Variants in FANK1 observed in about 807,000 individuals in gnomAD.
The protein encoded by FANK1 is fibronectin type 3 and ankyrin repeat domains protein 1.
Under a neutral mutation model 45.3 loss-of-function variants are expected in FANK1, and 44 were observed. The observed-to-expected ratio is 0.97, with a 90% CI of 0.76 to 1.25. The LOEUF (loss-of-function observed/expected upper bound fraction) is 1.25, where lower values mean the gene tolerates loss of function less well. Ranked by LOEUF, FANK1 falls within the 50% of genes most tolerant of loss-of-function variation. The probability of loss-of-function intolerance (pLI) is 0.00; values close to 1 mark genes in which losing one functional copy is unlikely to be tolerated. For missense variants in FANK1, 391 were observed against 424.4 expected (o/e 0.92, Z 0.69); for synonymous variants, 149 against 152.5 (o/e 0.98, Z 0.17).
chr10:125,993,538 T>A (rs1952087081), intron 3 of FANK1, among the ~76,000 whole-genome samples: 1 of 152,180 alleles, frequency 6.6e-6, no homozygotes. Flanking sequence ...GCCTCTATCC[T>A]CTAGATGCCA....
At chr10:126,000,352 C>T (rs950170212) in intron 6 of FANK1, among the ~76,000 whole-genome samples, 1 of 152,056 alleles carries the variant, frequency 6.6e-6, no homozygotes, top group South Asian at 2.1e-4. Context: ...TAAAATGCCT[C>T]ATAACGTTAT....
At position 125,959,015 on chromosome 10, in the gene FANK1, T is replaced by C. The variant is rs115399642; in HGVS notation, c.14-21146T>C. 8.1e-3 allele frequency among the ~76,000 whole-genome samples: 1,241 copies of C among 152,278 alleles called. 19 individuals carry two copies. The highest frequency in any genetic ancestry group is 0.028 in the African/African-American group (1,149 of 41,544). ...CAAAATAAATAAAACACTTGTGACATTAAGAATTATTTTAGGTTGTAGTAT... is the reference window on the plus strand; with the variant it reads ...CAAAATAAATAAAACACTTGTGACACTAAGAATTATTTTAGGTTGTAGTAT... On this transcript the variant is annotated intron_variant, in intron 1 of 10. Transcript: ENST00000368693.
intron 1 of FANK1, among the ~76,000 whole-genome samples, chr10:125,922,387 T>G (rs569745483): frequency 3.3e-5 from 5 of 152,256 alleles, no homozygotes; most frequent in African/African-American, 1.2e-4. Context: ...ACCTGTCTGC[T>G]GGTTACTTTT....
At chr10:125,965,806 C>T (rs887871308) in intron 1 of FANK1, among the ~76,000 whole-genome samples, 2 of 152,316 alleles carry the variant, frequency 1.3e-5, no homozygotes, top group East Asian at 3.9e-4. Context: ...ACATTTCCTT[C>T]TTTGCCTACT....
chr10:125,928,332 G>C (rs1251227835), intron 1 of FANK1, among the ~76,000 whole-genome samples: 7 of 146,546 alleles, frequency 4.8e-5, no homozygotes, highest in Non-Finnish European at 7.4e-5. Flanking sequence ...GTAAACTGTC[G>C]TGGTGCTAGT....
At position 125,948,557 on chromosome 10, in the gene FANK1, A is replaced by G. The variant is rs368839925; in HGVS notation, c.14-31604A>G. Among the ~76,000 whole-genome samples the G allele has an allele frequency of 5.4e-3, 824 of 152,342 alleles. 41 individuals carry two copies. In the East Asian group the frequency reaches 0.095, roughly 18 times the overall value. The stretch of plus-strand genomic sequence containing the variant: ...CAACACATACACTCTCCCAAGACTA[A>G]ACCAGGAAGAAGTTGAATCTCTGAA... On this transcript the variant is annotated intron_variant, in intron 1 of 10. Transcript: ENST00000368693.
At chr10:125,918,630 TAA>T (rs377480848) in intron 1 of FANK1, among the ~76,000 whole-genome samples, 1 of 119,712 alleles carries the variant, frequency 8.4e-6, no homozygotes, top group Admixed American at 9.4e-5. Flanking sequence ...TTTACCATGA[TAA>T]AGACATTTTA....
chr10:125,988,582 C>T lies in FANK1; in HGVS notation c.223C>T (p.Leu75=). ...GYATKHVVEG[L]EPRTLYRFRL... ...TGCAACGAAGCATGTTGTTGAAGGTCTGGAACCAAGGACGCTGTACAGATT... is the reference window on the plus strand; with the variant it reads ...TGCAACGAAGCATGTTGTTGAAGGTTTGGAACCAAGGACGCTGTACAGATT... Residue 75 remains leucine, a synonymous_variant, in exon 3 of 11, where the codon CTG becomes TTG. Coordinates refer to ENST00000368693, the MANE Select transcript of FANK1 (RefSeq NM_145235.5). 1.2e-6 allele frequency: 2 copies of T among 1,614,216 alleles called. No homozygotes were observed. Among genetic ancestry groups the T allele is most frequent in the South Asian group, 1.1e-5 (1 of 91,084 alleles).
chr10:125,977,608 G>C (rs1950934762), intron 1 of FANK1, among the ~76,000 whole-genome samples: 1 of 152,138 alleles, frequency 6.6e-6, no homozygotes, highest in Non-Finnish European at 1.5e-5. Flanking sequence ...TCAGCTTAGA[G>C]GCAGCAGAGG....
At chr10:125,941,167 C>G (rs1411217493) in intron 1 of FANK1, among the ~76,000 whole-genome samples, 7 of 152,162 alleles carry the variant, frequency 4.6e-5, no homozygotes, top group Non-Finnish European at 4.4e-5. Flanking sequence ...CACAATCCTG[C>G]AGAAGTTCTA....
chr10:125,907,264 A>G lies in FANK1; in HGVS notation c.13+10609A>G, dbSNP rs137856739. Among the ~76,000 whole-genome samples, 1,356 of 152,286 alleles carry G rather than the reference A, an allele frequency of 8.9e-3. 15 individuals carry two copies. Among genetic ancestry groups the G allele is most frequent in the African/African-American group, 0.029 (1,210 of 41,550 alleles). On this transcript the variant is annotated intron_variant, in intron 1 of 10. Coordinates refer to ENST00000368693, the MANE Select transcript of FANK1 (RefSeq NM_145235.5). ...CTATAGTGATAACTCTTCACTCCTT[A>G]TATTCTAACTTGTGCCTAATTAGTT...
chr10:125,928,615 C>CA lies in FANK1; in HGVS notation c.13+31960_13+31961insA, dbSNP rs879637532. On this transcript the variant is annotated intron_variant, in intron 1 of 10. Transcript: ENST00000368693. ...CCCCTCTGACACTTCCATGTACTTA[C>CA]TATCGTGTCAGCTTTTAAAAACTTT... Among the ~76,000 whole-genome samples, 8 of 152,298 alleles carry CA rather than the reference C, an allele frequency of 5.3e-5. No individual in the cohort carries two copies. In the East Asian group the frequency reaches 1.5e-3, roughly 29 times the overall value.
Position 125,906,515 on chromosome 10 carries a change from C to CAAAAAAAAAAAAA in FANK1, c.13+9877_13+9889dup, listed in dbSNP as rs34132526. On this transcript the variant is annotated intron_variant, in intron 1 of 10. Transcript: ENST00000368693. ...TTGGGGACAGAGCAAGACTCTGTCT[C>CAAAAAAAAAAAAA]AAAAAAAAAAAAAAAAAAAAAAAAA... Among the ~76,000 whole-genome samples, 99 of 46,418 alleles carry CAAAAAAAAAAAAA rather than the reference C, an allele frequency of 2.1e-3. 9 individuals are homozygous for CAAAAAAAAAAAAA. Among genetic ancestry groups the CAAAAAAAAAAAAA allele is most frequent in the African/African-American group, 5.7e-3 (76 of 13,426 alleles). 30.5% of individuals were successfully genotyped at this position (46,418 alleles called of 152,430 possible). A position where few individuals can be genotyped will look rare whatever the true frequency, so the allele number is the denominator to read the frequency against.
At chr10:126,000,430 A>G (rs1416937061) in intron 6 of FANK1, among the ~76,000 whole-genome samples, 1 of 152,228 alleles carries the variant, frequency 6.6e-6, no homozygotes, top group Non-Finnish European at 1.5e-5. Context: ...AGAAATCCTC[A>G]AATAGATCCC....
intron 1 of FANK1, among the ~76,000 whole-genome samples, chr10:125,945,828 C>T (rs558216579): frequency 1.3e-5 from 2 of 152,334 alleles, no homozygotes; most frequent in South Asian, 2.1e-4. Context: ...ACAGCAGTAA[C>T]CTCTGCAGGC....
chr10:125,965,421 AT>A (rs538624628), intron 1 of FANK1, among the ~76,000 whole-genome samples: 6 of 152,250 alleles, frequency 3.9e-5, no homozygotes, highest in Non-Finnish European at 8.8e-5. Context: ...AAGAATATAT[AT>A]ATAACAATTT....
chr10:125,969,917 A>G (rs934467035), intron 1 of FANK1, among the ~76,000 whole-genome samples: 3 of 152,228 alleles, frequency 2.0e-5, no homozygotes, highest in African/African-American at 7.2e-5. Context: ...GACACAGCAC[A>G]TGTTTCAGAG....
At chr10:125,998,938 A>T (rs1952545049) in intron 6 of FANK1, among the ~76,000 whole-genome samples, 2 of 152,212 alleles carry the variant, frequency 1.3e-5, no homozygotes, top group African/African-American at 4.8e-5. Flanking sequence ...TTTCCAGAGC[A>T]GAGAGGAAGC....
intron 1 of FANK1, among the ~76,000 whole-genome samples, chr10:125,932,200 T>A (rs1050681320): frequency 6.6e-6 from 1 of 152,182 alleles, no homozygotes; most frequent in Non-Finnish European, 1.5e-5. Context: ...TTTGGTTCCA[T>A]ATGAATTTTA....
Sources: gnomAD v4.1 joint callset for allele counts (sites outside exome capture counted in the v4.1 genomes callset) on GRCh38, gnomAD v4.1.1 for gene constraint, MANE v1.5 for transcripts, NCBI Gene and HGNC (gene_info 2026-07-23, HGNC 2026-07-21) for gene names.